Variants in MTX2 observed in about 807,000 individuals in gnomAD.
MTX2 encodes the protein metaxin-2.
MTX2 carries 35 observed loss-of-function variants against 42.3 expected under a neutral mutation model. The ratio of observed to expected loss-of-function variants is 0.83; its 90% CI spans 0.63 to 1.10. MTX2 has a LOEUF of 1.10. MTX2 is among the 50% of genes least tolerant of loss of function. The pLI is 0.00. For synonymous variants in MTX2, 119 were observed against 100.9 expected, an observed-to-expected ratio of 1.18 and a Z score of -1.08; for missense variants, 307 against 304.1, an observed-to-expected ratio of 1.01 and a Z score of -0.07.
chr2:176,300,764 G>C (rs1215651949), intron 3 of MTX2, among the ~76,000 whole-genome samples: 1 of 152,032 alleles, frequency 6.6e-6, no homozygotes, highest in Non-Finnish European at 1.5e-5. Flanking sequence ...ATGTAAAATA[G>C]AAATATAATA....
intron 1 of MTX2, among the ~76,000 whole-genome samples, chr2:176,278,350 C>G (rs191526279): frequency 5.0e-4 from 76 of 151,874 alleles, no homozygotes; most frequent in Non-Finnish European, 9.7e-4. Context: ...TGCACCTGGC[C>G]AAAACTAAAT....
chr2:176,271,530 A>G (rs1692806459), intron 1 of MTX2, among the ~76,000 whole-genome samples: 1 of 152,206 alleles, frequency 6.6e-6, no homozygotes, highest in Non-Finnish European at 1.5e-5. Flanking sequence ...ATATAGATGG[A>G]CAGTGAACAG....
At chr2:176,287,601 A>G (rs777275159) in intron 1 of MTX2, among the ~76,000 whole-genome samples, 3 of 152,200 alleles carry the variant, frequency 2.0e-5, no homozygotes, top group African/African-American at 4.8e-5. Context: ...GTAACAAGCA[A>G]TAATGGATAT....
intron 3 of MTX2, among the ~76,000 whole-genome samples, chr2:176,307,634 G>T (rs548540444): frequency 6.6e-6 from 1 of 152,036 alleles, no homozygotes; most frequent in South Asian, 2.1e-4. Context: ...TTGTAAGTTG[G>T]ATTCCTAGGT....
intron 1 of MTX2, among the ~76,000 whole-genome samples, chr2:176,277,700 C>G (rs1244694848): frequency 6.6e-6 from 1 of 152,118 alleles, no homozygotes; most frequent in Non-Finnish European, 1.5e-5. Context: ...CCGTGCCCAG[C>G]CTTTAATCTT....
At chr2:176,308,264 G>A (rs1359293383) in intron 3 of MTX2, among the ~76,000 whole-genome samples, 1 of 152,132 alleles carries the variant, frequency 6.6e-6, no homozygotes, top group Non-Finnish European at 1.5e-5. Flanking sequence ...TGATCATGAT[G>A]GATAAGGTTT....
intron 1 of MTX2, among the ~76,000 whole-genome samples, chr2:176,284,261 A>G (rs1217871688): frequency 6.6e-6 from 1 of 152,128 alleles, no homozygotes; most frequent in African/African-American, 2.4e-5. Flanking sequence ...GATTATTTTT[A>G]TAATGGATCA....
chr2:176,320,463 CTT>C (rs1381370623), intron 3 of MTX2, among the ~76,000 whole-genome samples: 2 of 152,020 alleles, frequency 1.3e-5, no homozygotes, highest in Non-Finnish European at 2.9e-5. Context: ...ATTTCAAACT[CTT>C]TTTTGTTCTA....
chr2:176,278,761 A>AT (rs963592675), intron 1 of MTX2, among the ~76,000 whole-genome samples: 103 of 151,088 alleles, frequency 6.8e-4, no homozygotes, highest in African/African-American at 2.1e-3. Context: ...CAGGCTTCTC[A>AT]TTTTTTTTTC....
chr2:176,314,684 G>T (rs781277999), intron 3 of MTX2, among the ~76,000 whole-genome samples: 1 of 151,962 alleles, frequency 6.6e-6, no homozygotes, highest in Admixed American at 6.6e-5. Context: ...TACTTTTGAC[G>T]TCCTGAAGAT....
chr2:176,270,251 A>G (rs775857779), intron 1 of MTX2: 8 of 823,150 alleles, frequency 9.7e-6, no homozygotes, highest in Non-Finnish European at 1.3e-5. Flanking sequence ...GCTCACTGCA[A>G]CCTCCGCTTC....
intron 1 of MTX2, among the ~76,000 whole-genome samples, chr2:176,292,572 G>A (rs1693352756): frequency 6.6e-6 from 1 of 152,006 alleles, no homozygotes. Flanking sequence ...CTTTCTTTCT[G>A]TTAGATGTGG....
chr2:176,279,306 G>C (rs1693026445), intron 1 of MTX2, among the ~76,000 whole-genome samples: 1 of 152,030 alleles, frequency 6.6e-6, no homozygotes. Flanking sequence ...GGTCAATTTA[G>C]AGCACTAATC....
intron 3 of MTX2, among the ~76,000 whole-genome samples, chr2:176,320,950 GCCT>G (rs1684571110): frequency 1.3e-5 from 2 of 151,934 alleles, no homozygotes; most frequent in African/African-American, 2.4e-5. Flanking sequence ...TTTTGCCTTG[GCCT>G]CCTCAAAAGT....
intron 3 of MTX2, among the ~76,000 whole-genome samples, chr2:176,306,486 C>T (rs933324150): frequency 2.0e-5 from 3 of 152,212 alleles, no homozygotes; most frequent in Non-Finnish European, 4.4e-5. Context: ...AATCGCCACA[C>T]TGTCTTCCAC....
chr2:176,294,298 T>G (rs1366756581), intron 1 of MTX2, among the ~76,000 whole-genome samples: 1 of 150,106 alleles, frequency 6.7e-6, no homozygotes, highest in African/African-American at 2.4e-5. Context: ...TTTTTTTTTT[T>G]TCCTAAGACA....
At chr2:176,280,548 T>C (rs568583937) in intron 1 of MTX2, among the ~76,000 whole-genome samples, 1 of 152,144 alleles carries the variant, frequency 6.6e-6, no homozygotes, top group Admixed American at 6.5e-5. Flanking sequence ...TGGCACAAGG[T>C]GAGATATAAC....
intron 3 of MTX2, among the ~76,000 whole-genome samples, chr2:176,311,052 T>C (rs1684291895): frequency 6.6e-6 from 1 of 152,222 alleles, no homozygotes; most frequent in Non-Finnish European, 1.5e-5. Flanking sequence ...CCTTTGGTCT[T>C]TGATGTTGGT....
intron 1 of MTX2, among the ~76,000 whole-genome samples, chr2:176,291,450 G>A (rs991826953): frequency 1.6e-4 from 24 of 152,106 alleles, no homozygotes; most frequent in African/African-American, 4.8e-4. Context: ...AAAATCAGAC[G>A]TGAATGCTGG....
Sources: gnomAD v4.1 joint callset for allele counts (sites outside exome capture counted in the v4.1 genomes callset) on GRCh38, gnomAD v4.1.1 for gene constraint, MANE v1.5 for transcripts, NCBI Gene and HGNC (gene_info 2026-07-23, HGNC 2026-07-21) for gene names.